CDKAL1: variants seen among roughly 807,000 people sequenced by gnomAD.
CDKAL1 encodes threonylcarbamoyladenosine tRNA methylthiotransferase.
Under a neutral mutation model 68.2 loss-of-function variants are expected in CDKAL1, and 32 were observed. The observed-to-expected ratio is 0.47, with a 90% CI of 0.35 to 0.63. CDKAL1 has a LOEUF of 0.63. CDKAL1 is among the 30% of genes least tolerant of loss of function. The probability of loss-of-function intolerance (pLI) is 0.00; values close to 1 mark genes in which losing one functional copy is unlikely to be tolerated. For synonymous variants in CDKAL1, 234 were observed against 244.3 expected (o/e 0.96, Z 0.39); for missense variants, 606 against 696.7 (o/e 0.87, Z 1.47).
At position 20,739,608 on chromosome 6, in the gene CDKAL1, T is replaced by C; in HGVS notation, c.461T>C (p.Ile154Thr). 1 of 1,600,598 alleles carries C rather than the reference T, an allele frequency of 6.2e-7. No individual in the cohort carries two copies. The highest frequency in any genetic ancestry group is 8.6e-7 in the Non-Finnish European group (1 of 1,168,630). The change falls in exon 6 of 16, where the codon ATC (isoleucine) becomes ACC (threonine). Residue 154 changes from isoleucine to threonine, a missense_variant. Physicochemically the swap from Ile to Thr is moderately conservative, Grantham distance 89 (BLOSUM62 -1). Coordinates refer to ENST00000274695, the MANE Select transcript of CDKAL1 (RefSeq NM_017774.3). ...PRQDYLKGLS[I>T]IGVQQIDRVV... ...CAGGACTACCTTAAGGGACTGAGTA[T>C]CATTGGGGTAAGCTTGTACCTGATG...
chr6:20,913,336 T>C (rs1336728126), intron 9 of CDKAL1, among the ~76,000 whole-genome samples: 2 of 152,172 alleles, frequency 1.3e-5, no homozygotes, highest in African/African-American at 4.8e-5. Flanking sequence ...TGGTTGTTGG[T>C]AGGATTCAGC....
chr6:20,822,901 A>G (rs1427846379), intron 8 of CDKAL1, among the ~76,000 whole-genome samples: 1 of 152,174 alleles, frequency 6.6e-6, no homozygotes, highest in Non-Finnish European at 1.5e-5. Flanking sequence ...GCAGTTCTTT[A>G]TAGCCATGTG....
rs541864918 is a variant in CDKAL1 at position 20,876,044 on chromosome 6, A to G, written c.742+29866A>G. Among the ~76,000 whole-genome samples the G allele has an allele frequency of 1.1e-4, 17 of 152,376 alleles. No individual in the cohort carries two copies. The East Asian group carries it at 3.3e-3, about 29-fold the overall frequency. On this transcript the variant is annotated intron_variant, in intron 9 of 15. Transcript: ENST00000274695. The stretch of plus-strand genomic sequence containing the variant: ...AACTTACATGTTAAAATAATTTGGC[A>G]ATCTAACTGCAGATTCAAAATTTCT...
intron 11 of CDKAL1, among the ~76,000 whole-genome samples, chr6:21,025,561 G>T (rs935222427): frequency 2.6e-5 from 4 of 152,106 alleles, no homozygotes; most frequent in Non-Finnish European, 5.9e-5. Flanking sequence ...TTGTTTGTTT[G>T]GGGGTAGGAA....
At chr6:21,228,940 G>A (rs1779853649) in intron 15 of CDKAL1, among the ~76,000 whole-genome samples, 1 of 152,144 alleles carries the variant, frequency 6.6e-6, no homozygotes, top group Non-Finnish European at 1.5e-5. Context: ...AGGTCTTCGT[G>A]CACCACTGAG....
At chr6:20,806,543 TCGCCAAA>T (rs1776581077) in intron 8 of CDKAL1, among the ~76,000 whole-genome samples, 1 of 152,178 alleles carries the variant, frequency 6.6e-6, no homozygotes, top group Non-Finnish European at 1.5e-5. Flanking sequence ...CTTTGAGAAA[TCGCCAAA>T]CTGCTTTCCA....
chr6:21,135,399 A>G (rs1004874735), intron 13 of CDKAL1, among the ~76,000 whole-genome samples: 2 of 152,172 alleles, frequency 1.3e-5, no homozygotes, highest in Non-Finnish European at 2.9e-5. Context: ...TATTGATTAA[A>G]CTTTCCTGGA....
At chr6:20,589,876 A>G (rs1184854825) in intron 4 of CDKAL1, among the ~76,000 whole-genome samples, 2 of 152,146 alleles carry the variant, frequency 1.3e-5, no homozygotes, top group Non-Finnish European at 2.9e-5. Flanking sequence ...GAGAAATGGT[A>G]GTGCACGGGT....
intron 8 of CDKAL1, among the ~76,000 whole-genome samples, chr6:20,844,240 T>A (rs1778286756): frequency 6.6e-6 from 1 of 152,206 alleles, no homozygotes; most frequent in Admixed American, 6.5e-5. Flanking sequence ...AGCTTCATAT[T>A]TAGCTTCAAG....
intron 5 of CDKAL1, among the ~76,000 whole-genome samples, chr6:20,689,730 C>T (rs1770787144): frequency 6.6e-6 from 1 of 152,054 alleles, no homozygotes. Context: ...AAAGAAATTT[C>T]ATGTATCTGT....
intron 5 of CDKAL1, among the ~76,000 whole-genome samples, chr6:20,731,140 A>G (rs755788784): frequency 6.6e-6 from 1 of 152,224 alleles, no homozygotes; most frequent in Non-Finnish European, 1.5e-5. Flanking sequence ...GAAGGAACGC[A>G]GAAGGGAGGA....
chr6:20,802,076 G>T (rs555953918), intron 8 of CDKAL1, among the ~76,000 whole-genome samples: 1 of 151,972 alleles, frequency 6.6e-6, no homozygotes, highest in Non-Finnish European at 1.5e-5. Flanking sequence ...GAGGTGGGCG[G>T]ATCACAAGGT....
At chr6:20,576,670 T>C (rs192910432) in intron 4 of CDKAL1, among the ~76,000 whole-genome samples, 2 of 152,348 alleles carry the variant, frequency 1.3e-5, no homozygotes, top group Admixed American at 1.3e-4. Flanking sequence ...TGTTTCCCCA[T>C]GTTCCTTGTA....
chr6:21,173,328 C>A (rs754272268), intron 13 of CDKAL1, among the ~76,000 whole-genome samples: 3 of 151,970 alleles, frequency 2.0e-5, no homozygotes, highest in Non-Finnish European at 4.4e-5. Flanking sequence ...TTCTTCCATG[C>A]GTAATGGTCT....
chr6:20,691,570 A>G (rs1279538975), intron 5 of CDKAL1, among the ~76,000 whole-genome samples: 3 of 151,958 alleles, frequency 2.0e-5, no homozygotes, highest in Non-Finnish European at 4.4e-5. Flanking sequence ...TGGCTGTTTC[A>G]TCTTGTTGCC....
At chr6:21,191,621 C>CT (rs1192475151) in intron 13 of CDKAL1, among the ~76,000 whole-genome samples, 2 of 152,146 alleles carry the variant, frequency 1.3e-5, no homozygotes, top group Admixed American at 6.5e-5. Context: ...GCCACTGCCA[C>CT]TGAGCAAATC....
intron 5 of CDKAL1, among the ~76,000 whole-genome samples, chr6:20,712,647 T>C (rs896966047): frequency 6.6e-6 from 1 of 150,858 alleles, no homozygotes; most frequent in Non-Finnish European, 1.5e-5. Flanking sequence ...GAAAAAGTTA[T>C]ATAACTTTTT....
At chr6:20,688,342 C>T (rs751763729) in intron 5 of CDKAL1, among the ~76,000 whole-genome samples, 9 of 152,050 alleles carry the variant, frequency 5.9e-5, no homozygotes, top group Non-Finnish European at 1.2e-4. Flanking sequence ...CTTCTACTTC[C>T]GCTTCTAGTA....
chr6:21,115,223 T>A (rs1319297299), intron 13 of CDKAL1, among the ~76,000 whole-genome samples: 2 of 152,246 alleles, frequency 1.3e-5, no homozygotes, highest in East Asian at 3.8e-4. Flanking sequence ...CAGCTCTTTA[T>A]GTTTGAAGAA....
Sources: allele counts gnomAD v4.1 joint callset (sites outside exome capture counted in the v4.1 genomes callset), GRCh38; gene constraint gnomAD v4.1.1; transcripts MANE v1.5; gene names NCBI Gene and HGNC (gene_info 2026-07-23, HGNC 2026-07-21).